Variants in ABCA12 observed in about 807,000 individuals in gnomAD.
The protein encoded by ABCA12 is glucosylceramide transporter ABCA12.
A neutral mutation model predicts 293.5 loss-of-function variants in ABCA12; 156 were observed. The observed-to-expected ratio is 0.53, with a 90% confidence interval of 0.47 to 0.61. The LOEUF (loss-of-function observed/expected upper bound fraction) is 0.61, where lower values mean the gene tolerates loss of function less well. Among genes scored for constraint, ABCA12 ranks in the 20% least tolerant of loss-of-function variants. ABCA12 has a pLI of 0.00. For synonymous variants in ABCA12, 1,063 were observed against 1,108.0 expected (o/e 0.96, Z 0.81); for missense variants, 2,797 against 3,090.2 (o/e 0.91, Z 2.25).
chr2:215,018,549 A>T (rs1406691037), intron 13 of ABCA12, among the ~76,000 whole-genome samples: 1 of 152,206 alleles, frequency 6.6e-6, no homozygotes, highest in Non-Finnish European at 1.5e-5. Flanking sequence ...TGATAAATCC[A>T]CACATAATGC....
chr2:215,111,764 G>A (rs1258663488), intron 1 of ABCA12, 74 bp from the exon 2 acceptor site: 12 of 1,041,504 alleles, frequency 1.2e-5, no homozygotes, highest in Non-Finnish European at 1.5e-5. Context: ...ACTACAAAAA[G>A]TATGTCATAC....
chr2:215,045,910 A>C lies in ABCA12; in HGVS notation c.799T>G (p.Ser267Ala). The change falls in exon 7 of 53, where the codon TCT becomes GCT. Residue 267 changes from serine to alanine, a missense_variant. Physicochemically the swap from Ser to Ala is moderately conservative, Grantham distance 99. This residue lies in a region of ABCA12 where 656 missense variants were observed against 638.2 expected (regional missense o/e 1.03). Transcript: ENST00000272895. ...QEQKAVWQLL[S>A]SFPNVFQNDT... ...TTCTGAAACACATTTGGAAAACTAG[A>C]CAGAAGCTGCCACACAGCTTTCTGC... 1 of 1,613,758 alleles carries C rather than the reference A, an allele frequency of 6.2e-7. No homozygotes were observed. The highest frequency in any genetic ancestry group is 8.5e-7 in the Non-Finnish European group (1 of 1,179,804).
At chr2:214,977,931 T>G (rs1699557627) in intron 33 of ABCA12, among the ~76,000 whole-genome samples, 1 of 151,192 alleles carries the variant, frequency 6.6e-6, no homozygotes, top group South Asian at 2.1e-4. Context: ...CTTCAACATG[T>G]CTAATAACAA....
At chr2:215,083,531 C>A (rs1440866958) in intron 2 of ABCA12, among the ~76,000 whole-genome samples, 1 of 152,062 alleles carries the variant, frequency 6.6e-6, no homozygotes, top group Non-Finnish European at 1.5e-5. Flanking sequence ...CTCTATACAC[C>A]AAACAAGCAG....
intron 2 of ABCA12, among the ~76,000 whole-genome samples, chr2:215,101,522 C>T (rs1702356642): frequency 6.6e-6 from 1 of 152,020 alleles, no homozygotes; most frequent in Admixed American, 6.6e-5. Flanking sequence ...TTGTAAATCC[C>T]CAAAATAGAG....
At chr2:215,113,201 A>G (rs1286612615) in intron 1 of ABCA12, among the ~76,000 whole-genome samples, 1 of 152,200 alleles carries the variant, frequency 6.6e-6, no homozygotes, top group African/African-American at 2.4e-5. Flanking sequence ...TACATTTGCT[A>G]CTAAAATCTC....
In ABCA12 at chr2:215,011,632, G is replaced by A. The variant is rs137906898; in HGVS notation, c.2139C>T (p.Asn713=). Residue 713 remains asparagine, a synonymous_variant, in exon 17 of 53, where the codon AAC becomes AAT. Coordinates refer to ENST00000272895, the MANE Select transcript of ABCA12 (RefSeq NM_173076.3). ...ATGATCCTTGTGGTGTGTTCATTCG[G>A]TTGCTTCTGTACATTGCCTGTGAGA... ...VPLTQAMYRS[N]RMNTPQGSFS... is the part of the protein sequence containing the mutation. 1.1e-4 allele frequency: 178 copies of A among 1,613,860 alleles called. 1 individual carries two copies. In the South Asian group the frequency reaches 1.3e-3, roughly 12 times the overall value.
In ABCA12 at chr2:214,989,318, C is replaced by T. The variant is rs760440581; in HGVS notation, c.3829+11G>A. ...ATAAAAAGCATGTATCTGTAGGAAG[C>T]ACATTCATACCTGGGAAGACATTCC... On this transcript the variant is annotated intron_variant, in intron 26 of 52. Transcript: ENST00000272895. The T allele has an allele frequency of 4.3e-6, 7 of 1,611,928 alleles. No individual in the cohort carries two copies. The East Asian group carries it at 1.6e-4, about 36-fold the overall frequency.
chr2:215,097,223 C>T (rs1463722680), intron 2 of ABCA12, among the ~76,000 whole-genome samples: 1 of 152,160 alleles, frequency 6.6e-6, no homozygotes, highest in Non-Finnish European at 1.5e-5. Context: ...CCCCACTCTT[C>T]TCCATGCAAA....
intron 7 of ABCA12, among the ~76,000 whole-genome samples, chr2:215,043,914 T>A (rs1198660549): frequency 3.3e-5 from 5 of 152,142 alleles, no homozygotes; most frequent in Non-Finnish European, 7.4e-5. Context: ...GATAACGCTA[T>A]CTACATACAC....
chr2:215,038,882 G>T (rs1385256376), intron 7 of ABCA12: 1 of 152,022 alleles, frequency 6.6e-6, no homozygotes, highest in Non-Finnish European at 1.5e-5. Context: ...TGACACCTGG[G>T]CTTCCATCTT....
intron 14 of ABCA12, among the ~76,000 whole-genome samples, chr2:215,015,870 C>T (rs1230654870): frequency 2.6e-5 from 4 of 152,164 alleles, no homozygotes; most frequent in Admixed American, 1.3e-4. Flanking sequence ...GGAGGCCGGG[C>T]GCGGTGGCTC....
intron 47 of ABCA12, 140 bp downstream of exon 47, chr2:214,948,456 A>G: frequency 1.1e-6 from 1 of 895,704 alleles, no homozygotes; most frequent in Non-Finnish European, 1.7e-6. Context: ...TGCCACTGCC[A>G]GAAGGAAAAT....
rs66500510 is a variant in ABCA12 at position 215,099,691 on chromosome 2, C to CAA, written c.163+11904_163+11905dup. Reference sequence around the variant, plus strand: ...TTGGTGACAGAGCGAGACTTCATCTCAAAAAAAAAAAAAAAAAAATTCTGA... The same window carrying CAA: ...TTGGTGACAGAGCGAGACTTCATCTCAAAAAAAAAAAAAAAAAAAAATTCTGA... On this transcript the variant is annotated intron_variant, in intron 2 of 52. Transcript: ENST00000272895. Among the ~76,000 whole-genome samples the CAA allele has an allele frequency of 7.2e-3, 854 of 117,826 alleles. 8 individuals carry two copies. The highest frequency in any genetic ancestry group is 0.025 in the African/African-American group (790 of 31,736). The allele number at this position is 117,826 out of a possible 152,430, so 77.3% of individuals were successfully genotyped here.
chr2:215,119,954 A>G (rs1363855452), intron 1 of ABCA12, among the ~76,000 whole-genome samples: 1 of 152,122 alleles, frequency 6.6e-6, no homozygotes, highest in Non-Finnish European at 1.5e-5. Flanking sequence ...AGATCATTAT[A>G]CCAAAAAGAT....
chr2:215,101,092 G>A (rs1702348542), intron 2 of ABCA12, among the ~76,000 whole-genome samples: 1 of 152,114 alleles, frequency 6.6e-6, no homozygotes, highest in Non-Finnish European at 1.5e-5. Flanking sequence ...TGAGACTTCT[G>A]ATATCCTGGG....
At chr2:214,970,138 A>T in intron 37 of ABCA12, 135 bp downstream of exon 37, 1 of 870,332 alleles carries the variant, frequency 1.1e-6, no homozygotes, top group Admixed American at 3.1e-5. Flanking sequence ...TCAATATATA[A>T]GGCTGTTTAA....
intron 2 of ABCA12, chr2:215,075,413 A>G: frequency 5.3e-6 from 3 of 567,056 alleles, no homozygotes; most frequent in Non-Finnish European, 9.3e-6. Flanking sequence ...GGAACTATAT[A>G]TTGGCAAAAT....
At chr2:214,967,368 A>G (rs1353539594) in intron 38 of ABCA12, among the ~76,000 whole-genome samples, 3 of 152,134 alleles carry the variant, frequency 2.0e-5, no homozygotes, top group Non-Finnish European at 2.9e-5. Context: ...AAATACATAT[A>G]CACGCATGGT....
Sources: gnomAD v4.1 joint callset for allele counts (sites outside exome capture counted in the v4.1 genomes callset) on GRCh38, gnomAD v4.1.1 for gene constraint, gnomAD v4.1.1 regional missense constraint, MANE v1.5 for transcripts, NCBI Gene and HGNC (gene_info 2026-07-23, HGNC 2026-07-21) for gene names.